AGBL4: variants seen among roughly 807,000 people sequenced by gnomAD.
AGBL4 encodes AGBL carboxypeptidase 4, also known as cytosolic carboxypeptidase 6.
AGBL4 carries 58 observed loss-of-function variants against 66.4 expected under a neutral mutation model. The ratio of observed to expected loss-of-function variants is 0.87; its 90% CI spans 0.71 to 1.09. The LOEUF (loss-of-function observed/expected upper bound fraction) is 1.09. AGBL4 is among the 50% of genes least tolerant of loss of function. AGBL4 has a pLI of 0.00. For synonymous variants in AGBL4, 234 were observed against 222.9 expected (o/e 1.05, Z -0.44); for missense variants, 579 against 631.0 (o/e 0.92, Z 0.88).
chr1:48,601,156 G>A (rs1458505740), intron 9 of AGBL4, among the ~76,000 whole-genome samples: 1 of 152,098 alleles, frequency 6.6e-6, no homozygotes, highest in Non-Finnish European at 1.5e-5. Flanking sequence ...AGAGTAGTGT[G>A]GTTTGGGGGT....
chr1:48,534,369 C>T, intron 13 of AGBL4, 76 bp from the exon 14 acceptor site: 1 of 1,475,226 alleles, frequency 6.8e-7, no homozygotes, highest in South Asian at 1.4e-5. Context: ...GTGTGCATGT[C>T]TATCTTCCCC....
At chr1:49,054,496 G>T (rs1274499568) in intron 4 of AGBL4, among the ~76,000 whole-genome samples, 1 of 151,878 alleles carries the variant, frequency 6.6e-6, no homozygotes, top group Non-Finnish European at 1.5e-5. Context: ...ACCTATTTTG[G>T]TTTGGTGAAA....
intron 2 of AGBL4, among the ~76,000 whole-genome samples, chr1:49,704,782 G>C (rs771160925): frequency 3.3e-4 from 50 of 152,200 alleles, no homozygotes; most frequent in Middle Eastern, 3.4e-3. Context: ...TGTTCCATTG[G>C]TCTATATATC....
intron 2 of AGBL4, among the ~76,000 whole-genome samples, chr1:49,743,892 C>G (rs532800579): frequency 2.9e-4 from 34 of 118,740 alleles, no homozygotes; most frequent in African/African-American, 1.2e-3. Context: ...CATCACACAC[C>G]AGGACCTATT....
chr1:49,081,019 C>T (rs895936370), intron 4 of AGBL4, among the ~76,000 whole-genome samples: 2 of 152,088 alleles, frequency 1.3e-5, no homozygotes, highest in African/African-American at 4.8e-5. Context: ...TCAAAGGAAA[C>T]TTCTCTGAGA....
chr1:49,133,241 G>T (rs1259336631), intron 4 of AGBL4, among the ~76,000 whole-genome samples: 1 of 152,086 alleles, frequency 6.6e-6, no homozygotes, highest in Non-Finnish European at 1.5e-5. Flanking sequence ...CCTGTCAGGG[G>T]TTGTGGGGCT....
chr1:48,725,223 TGAA>T (rs1647215606), intron 6 of AGBL4, among the ~76,000 whole-genome samples: 1 of 152,232 alleles, frequency 6.6e-6, no homozygotes. Flanking sequence ...TTTATTTTAA[TGAA>T]GGTCTTCTAA....
chr1:48,971,613 CA>C (rs1332200385), intron 5 of AGBL4, among the ~76,000 whole-genome samples: 2 of 151,982 alleles, frequency 1.3e-5, no homozygotes, highest in African/African-American at 4.8e-5. Context: ...CAAGAACAGA[CA>C]AAACTAATAT....
At chr1:49,236,306 G>A (rs1353566612) in intron 4 of AGBL4, among the ~76,000 whole-genome samples, 2 of 152,086 alleles carry the variant, frequency 1.3e-5, no homozygotes, top group South Asian at 2.1e-4. Context: ...GGGATTATAG[G>A]TGTGAGCCAC....
At chr1:49,808,765 C>T (rs1645031309) in intron 2 of AGBL4, among the ~76,000 whole-genome samples, 2 of 152,038 alleles carry the variant, frequency 1.3e-5, no homozygotes, top group African/African-American at 2.4e-5. Flanking sequence ...ATGTTTCTGA[C>T]ATCGTAGTAT....
At chr1:48,992,547 G>C (rs1454138726) in intron 5 of AGBL4, among the ~76,000 whole-genome samples, 1 of 152,110 alleles carries the variant, frequency 6.6e-6, no homozygotes, top group African/African-American at 2.4e-5. Flanking sequence ...GGCCAGCCAG[G>C]CCTGTGTCCT....
intron 3 of AGBL4, among the ~76,000 whole-genome samples, chr1:49,263,675 A>T (rs1653451368): frequency 6.6e-6 from 1 of 152,212 alleles, no homozygotes; most frequent in Admixed American, 6.5e-5. Context: ...ATGAAAGAAC[A>T]ATGATTTTGA....
intron 1 of AGBL4, among the ~76,000 whole-genome samples, chr1:50,022,243 G>C (rs1197944916): frequency 6.6e-6 from 1 of 152,052 alleles, no homozygotes; most frequent in Non-Finnish European, 1.5e-5. Context: ...AAGGAGACAG[G>C]AAATAAGCAA....
chr1:48,560,683 G>A (rs1211192248), intron 11 of AGBL4, among the ~76,000 whole-genome samples: 1 of 152,172 alleles, frequency 6.6e-6, no homozygotes, highest in Non-Finnish European at 1.5e-5. Flanking sequence ...TCACAGTGAT[G>A]TTGAACAAGT....
rs939955179 is a variant in AGBL4, at chr1:48,689,203, CA to C, written c.635-25963del. On this transcript the variant is annotated intron_variant, in intron 6 of 13. Transcript: ENST00000371839. ...TGGGTGACAGAGCGAGACCCGGTCT[CA>C]AAAAAAAAAAAAAAAAAAAGAAAAG... Among the ~76,000 whole-genome samples the C allele has an allele frequency of 9.0e-3, 481 of 53,336 alleles. 4 individuals are homozygous for C. The highest frequency in any genetic ancestry group is 0.061 in the South Asian group (100 of 1,650). The allele number at this position is 53,336 out of a possible 152,430, so 35.0% of individuals were successfully genotyped here.
intron 2 of AGBL4, among the ~76,000 whole-genome samples, chr1:49,836,057 T>C (rs1045013931): frequency 2.6e-5 from 4 of 152,126 alleles, no homozygotes; most frequent in Non-Finnish European, 4.4e-5. Context: ...TTATGTTTCT[T>C]GGGGTTGCTC....
intron 1 of AGBL4, among the ~76,000 whole-genome samples, chr1:49,888,609 T>C (rs1301605572): frequency 6.6e-6 from 1 of 152,026 alleles, no homozygotes; most frequent in African/African-American, 2.4e-5. Context: ...AGTTAACAAG[T>C]AAAAGAAGGA....
rs1373323110 is a variant in AGBL4 at position 49,530,283 on chromosome 1, C to A, written c.282+167030G>T. On this transcript the variant is annotated intron_variant, in intron 3 of 13. Transcript: ENST00000371839. ...GTAAAAAAAAAAAAACAAAAAAAAA[C>A]TCTATGAGTTTTTTTTTATTATTAT... is the stretch of plus-strand genomic sequence containing the variant. 7.1e-3 allele frequency among the ~76,000 whole-genome samples: 239 copies of A among 33,582 alleles called. 5 individuals carry two copies. Among genetic ancestry groups the A allele is most frequent in the Non-Finnish European group, 0.012 (162 of 13,568 alleles). The allele number at this position is 33,582 out of a possible 152,430, so 22.0% of individuals were successfully genotyped here. A position where few individuals can be genotyped will look rare whatever the true frequency, so the allele number is the denominator to read the frequency against.
At chr1:48,807,939 T>C (rs1177645427) in intron 6 of AGBL4, among the ~76,000 whole-genome samples, 3 of 152,062 alleles carry the variant, frequency 2.0e-5, no homozygotes, top group African/African-American at 7.2e-5. Context: ...AGAAAATCAG[T>C]GGGCACATCT....
Sources: allele counts gnomAD v4.1 joint callset (sites outside exome capture counted in the v4.1 genomes callset), GRCh38; gene constraint gnomAD v4.1.1; transcripts MANE v1.5; gene names NCBI Gene and HGNC (gene_info 2026-07-23, HGNC 2026-07-21).